The following SORBS2 variants were observed in gnomAD, a reference collection of about 807,000 sequenced individuals.
The protein encoded by SORBS2 is sorbin and SH3 domain-containing protein 2.
A neutral mutation model predicts 97.7 loss-of-function variants in SORBS2; 46 were observed. The ratio of observed to expected loss-of-function variants is 0.47; its 90% CI spans 0.37 to 0.60. SORBS2 has a LOEUF of 0.60. SORBS2 is among the 20% of genes least tolerant of loss of function. The probability of loss-of-function intolerance (pLI) is 0.00; values close to 1 mark genes in which losing one functional copy is unlikely to be tolerated. For missense variants in SORBS2, 1,316 were observed against 1,282.3 expected, an observed-to-expected ratio of 1.03 and a Z score of -0.40; for synonymous variants, 476 against 473.4, an observed-to-expected ratio of 1.01 and a Z score of -0.07.
In SORBS2 at chr4:185,607,369, T is replaced by C; in HGVS notation, c.2796+4411A>G. 2.4e-6 allele frequency: 3 copies of C among 1,240,800 alleles called. No individual in the cohort carries two copies. Among genetic ancestry groups the C allele is most frequent in the Non-Finnish European group, 3.2e-6 (3 of 945,312 alleles). 76.9% of individuals were successfully genotyped at this position (1,240,800 alleles called of 1,614,324 possible). A position where few individuals can be genotyped will look rare whatever the true frequency, so the allele number is the denominator to read the frequency against. On this transcript the variant is annotated intron_variant, in intron 12 of 14. Transcript: ENST00000418609. The surrounding 1 kb of genome is among the most constrained non-coding windows in gnomAD (Gnocchi z 5.2). ...AGCCAACTTGGAAATGAGCACGGATTATGAAGTTAAGAAAAAATAAACTAA... is the reference window on the plus strand; with the variant it reads ...AGCCAACTTGGAAATGAGCACGGATCATGAAGTTAAGAAAAAATAAACTAA...
chr4:185,724,673 C>T (rs2098543087), intron 2 of SORBS2, among the ~76,000 whole-genome samples: 1 of 152,124 alleles, frequency 6.6e-6, no homozygotes, highest in Admixed American at 6.5e-5. Flanking sequence ...CTCCATTCTC[C>T]TTTTTCACTC....
chr4:185,631,772 A>G (rs898701037), intron 4 of SORBS2, among the ~76,000 whole-genome samples: 1 of 119,724 alleles, frequency 8.4e-6, no homozygotes, highest in Non-Finnish European at 1.9e-5. Flanking sequence ...CAAAAAAACA[A>G]AAACAAAAAA....
chr4:185,773,992 T>G (rs894317917), intron 2 of SORBS2: 1 of 152,162 alleles, frequency 6.6e-6, no homozygotes, highest in South Asian at 2.1e-4. Flanking sequence ...TTCTTTTTCT[T>G]TGTTATTTCT....
chr4:185,751,810 G>T (rs1182604249), intron 2 of SORBS2, among the ~76,000 whole-genome samples: 1 of 152,158 alleles, frequency 6.6e-6, no homozygotes, highest in Non-Finnish European at 1.5e-5. Flanking sequence ...CTGGAGAGGG[G>T]TTTTTGCTAG....
chr4:185,795,488 C>T (rs140917950), intron 1 of SORBS2, among the ~76,000 whole-genome samples: 1,544 of 152,208 alleles, frequency 0.01, 13 homozygotes, highest in Middle Eastern at 0.024. Context: ...ATGGCAACCA[C>T]GGGCTACATG....
intron 1 of SORBS2, among the ~76,000 whole-genome samples, chr4:185,874,555 A>G (rs1384906314): frequency 6.6e-6 from 1 of 152,212 alleles, no homozygotes; most frequent in African/African-American, 2.4e-5. Flanking sequence ...GACAAAATGC[A>G]TTTTTAAGGT....
chr4:185,601,067 C>T (rs866612084), intron 12 of SORBS2, among the ~76,000 whole-genome samples: 3 of 152,180 alleles, frequency 2.0e-5, no homozygotes, highest in African/African-American at 7.2e-5. Flanking sequence ...GAATAAAACA[C>T]GCTTAAATAA....
chr4:185,813,363 C>A (rs1484651871), intron 1 of SORBS2, among the ~76,000 whole-genome samples: 3 of 152,184 alleles, frequency 2.0e-5, no homozygotes, highest in African/African-American at 7.2e-5. Flanking sequence ...GCCCGCTCCC[C>A]TTCCTCCCCA....
intron 1 of SORBS2, among the ~76,000 whole-genome samples, chr4:185,893,502 G>A (rs1420157080): frequency 6.6e-6 from 1 of 152,228 alleles, no homozygotes. Context: ...ATCTGGAATA[G>A]ATAGCGTAGA....
At chr4:185,642,523 T>C (rs187317345) in intron 4 of SORBS2, among the ~76,000 whole-genome samples, 15 of 152,304 alleles carry the variant, frequency 9.8e-5, no homozygotes, top group Admixed American at 9.2e-4. Context: ...AAAAATTAAA[T>C]TGTGGAAATA....
intron 8 of SORBS2, among the ~76,000 whole-genome samples, chr4:185,619,821 C>T (rs1426808393): frequency 6.6e-6 from 1 of 152,150 alleles, no homozygotes; most frequent in Non-Finnish European, 1.5e-5. Flanking sequence ...GGTCAAGACT[C>T]GGAGAAGCCT....
chr4:185,736,759 GTGCCACAACCACTGCAGAGGGGAAAGACA>G (rs2098690373), intron 2 of SORBS2, among the ~76,000 whole-genome samples: 1 of 152,116 alleles, frequency 6.6e-6, no homozygotes, highest in South Asian at 2.1e-4. Context: ...ACGTCTGTGT[GTGCCACAACCACTGCAGAGGGGAAAGACA>G]TCATCCACAC....
At chr4:185,863,268 G>T (rs911167751) in intron 1 of SORBS2, among the ~76,000 whole-genome samples, 2 of 151,452 alleles carry the variant, frequency 1.3e-5, no homozygotes, top group Admixed American at 1.3e-4. Context: ...GAGTGCCTGT[G>T]TGTGCCAGGC....
intron 3 of SORBS2, among the ~76,000 whole-genome samples, chr4:185,648,058 C>T (rs1027987083): frequency 2.0e-5 from 3 of 151,992 alleles, no homozygotes; most frequent in African/African-American, 2.4e-5. Flanking sequence ...CTTTCACACA[C>T]GATGTGTGTG....
chr4:185,873,753 A>T (rs959207127), intron 1 of SORBS2, among the ~76,000 whole-genome samples: 1 of 152,206 alleles, frequency 6.6e-6, no homozygotes, highest in African/African-American at 2.4e-5. Flanking sequence ...ATTTCCTAGA[A>T]TAATGTGTAA....
chr4:185,840,689 A>AT (rs1201208122), intron 1 of SORBS2, among the ~76,000 whole-genome samples: 1 of 152,194 alleles, frequency 6.6e-6, no homozygotes, highest in African/African-American at 2.4e-5. Context: ...TTAAAAAATA[A>AT]TTAGGGGGAT....
intron 2 of SORBS2, among the ~76,000 whole-genome samples, chr4:185,769,713 C>T (rs2098958234): frequency 6.6e-6 from 1 of 152,192 alleles, no homozygotes; most frequent in Non-Finnish European, 1.5e-5. Context: ...TAGTCTCGAA[C>T]TCCCGACCTC....
At chr4:185,732,632 C>G (rs2098650771) in intron 2 of SORBS2, among the ~76,000 whole-genome samples, 1 of 152,146 alleles carries the variant, frequency 6.6e-6, no homozygotes, top group Admixed American at 6.5e-5. Context: ...GGTTTGGGAA[C>G]CAAAGGCTGT....
intron 1 of SORBS2, among the ~76,000 whole-genome samples, chr4:185,886,031 T>C (rs1029544034): frequency 2.6e-5 from 4 of 152,134 alleles, no homozygotes; most frequent in Non-Finnish European, 5.9e-5. Context: ...GTAAACCACA[T>C]GACAAGCTGG....
Sources: allele counts gnomAD v4.1 joint callset (sites outside exome capture counted in the v4.1 genomes callset), GRCh38; gene constraint gnomAD v4.1.1; non-coding constraint Gnocchi (gnomAD v3.1); transcripts MANE v1.5; gene names NCBI Gene and HGNC (gene_info 2026-07-23, HGNC 2026-07-21).